The following FCHO2 variants were observed in gnomAD, a reference collection of about 807,000 sequenced individuals.
The protein encoded by FCHO2 is F-BAR domain only protein 2.
FCHO2 carries 43 observed loss-of-function variants against 114.1 expected under a neutral mutation model. The ratio of observed to expected loss-of-function variants is 0.38; its 90% confidence interval spans 0.30 to 0.49. FCHO2 has a LOEUF of 0.49. FCHO2 is among the 20% of genes least tolerant of loss of function. The pLI, the probability that FCHO2 is intolerant of heterozygous loss-of-function variation, is 0.97. For missense variants in FCHO2, 807 were observed against 950.4 expected (o/e 0.85, Z 1.98); for synonymous variants, 293 against 315.2 (o/e 0.93, Z 0.75).
intron 8 of FCHO2, among the ~76,000 whole-genome samples, chr5:73,019,958 T>G (rs1390695818): frequency 1.3e-5 from 2 of 152,126 alleles, no homozygotes; most frequent in Non-Finnish European, 2.9e-5. Context: ...TCCACACCTC[T>G]CACCAAGGCC....
chr5:73,069,421 T>C (rs1394420221), intron 19 of FCHO2, among the ~76,000 whole-genome samples: 1 of 151,622 alleles, frequency 6.6e-6, no homozygotes. Context: ...AGCCCTGAGC[T>C]TTTTGTCTTG....
chr5:72,986,061 A>G (rs1580051632), intron 2 of FCHO2, among the ~76,000 whole-genome samples: 1 of 151,632 alleles, frequency 6.6e-6, no homozygotes, highest in South Asian at 2.1e-4. Flanking sequence ...TCAATGTTGG[A>G]TAAATTATTC....
intron 10 of FCHO2, among the ~76,000 whole-genome samples, chr5:73,040,730 A>G (rs986234794): frequency 6.6e-6 from 1 of 152,212 alleles, no homozygotes; most frequent in Non-Finnish European, 1.5e-5. Context: ...GTATATTTGG[A>G]AAAAACTAGC....
chr5:73,028,798 G>T (rs1398814755), intron 8 of FCHO2, among the ~76,000 whole-genome samples: 2 of 151,694 alleles, frequency 1.3e-5, no homozygotes, highest in Non-Finnish European at 2.9e-5. Flanking sequence ...CTACAGGCAC[G>T]CACCACTATG....
chr5:72,997,416 T>C (rs532254953), intron 5 of FCHO2: 1 of 1,600,594 alleles, frequency 6.2e-7, no homozygotes, highest in African/African-American at 1.3e-5. Flanking sequence ...GGCAGCTACA[T>C]CAAGGACCTC....
At chr5:72,999,111 G>A (rs550894062) in intron 5 of FCHO2, among the ~76,000 whole-genome samples, 1 of 152,110 alleles carries the variant, frequency 6.6e-6, no homozygotes, top group South Asian at 2.1e-4. Context: ...TCAGTGGGAT[G>A]GACTACTCAG....
At chr5:73,002,578 A>G (rs1349780303) in intron 5 of FCHO2, among the ~76,000 whole-genome samples, 1 of 152,220 alleles carries the variant, frequency 6.6e-6, no homozygotes, top group Non-Finnish European at 1.5e-5. Context: ...TAATAAAATT[A>G]GTTTGAGTTT....
At chr5:72,997,419 A>G (rs1216806169) in intron 5 of FCHO2, 16 of 1,600,810 alleles carry the variant, frequency 1.0e-5, no homozygotes, top group Non-Finnish European at 1.3e-5. Flanking sequence ...AGCTACATCA[A>G]GGACCTCTCT....
intron 5 of FCHO2, among the ~76,000 whole-genome samples, chr5:73,004,685 A>C (rs945287919): frequency 2.0e-5 from 3 of 152,130 alleles, no homozygotes; most frequent in African/African-American, 7.2e-5. Context: ...GAACTGTATA[A>C]ATTTCTAAGA....
chr5:73,027,488 A>G (rs1353905965), intron 8 of FCHO2, among the ~76,000 whole-genome samples: 1 of 151,918 alleles, frequency 6.6e-6, no homozygotes, highest in Admixed American at 6.6e-5. Flanking sequence ...ACGTTTGTCT[A>G]ATCCAAGGTC....
chr5:73,048,261 C>A (rs1017005106), intron 11 of FCHO2, among the ~76,000 whole-genome samples: 2 of 151,812 alleles, frequency 1.3e-5, no homozygotes, highest in African/African-American at 4.8e-5. Flanking sequence ...ACCAGCCTGG[C>A]CAATATAGGG....
At chr5:73,075,507 G>A (rs1386164823) in intron 20 of FCHO2, among the ~76,000 whole-genome samples, 1 of 152,144 alleles carries the variant, frequency 6.6e-6, no homozygotes, top group Non-Finnish European at 1.5e-5. Context: ...GACCAGGTTA[G>A]GCATTGTAGG....
chr5:73,086,340 A>G (rs1169233371), intron 24 of FCHO2, among the ~76,000 whole-genome samples: 1 of 152,196 alleles, frequency 6.6e-6, no homozygotes, highest in Non-Finnish European at 1.5e-5. Flanking sequence ...GTTCATCTCC[A>G]CTACTGATCT....
chr5:72,991,987 CAT>C (rs1753837692), intron 5 of FCHO2, among the ~76,000 whole-genome samples: 1 of 152,086 alleles, frequency 6.6e-6, no homozygotes, highest in Non-Finnish European at 1.5e-5. Context: ...AAATTAATAT[CAT>C]ATAATTAAAT....
intron 17 of FCHO2, among the ~76,000 whole-genome samples, chr5:73,062,307 A>G (rs1757890795): frequency 1.3e-5 from 2 of 152,130 alleles, no homozygotes; most frequent in African/African-American, 4.8e-5. Context: ...CTCGAAAAGC[A>G]AATTTTGAAC....
At chr5:72,966,858 A>G (rs1156894258) in intron 1 of FCHO2, among the ~76,000 whole-genome samples, 2 of 152,274 alleles carry the variant, frequency 1.3e-5, no homozygotes, top group Non-Finnish European at 2.9e-5. Flanking sequence ...AACCTAGTGT[A>G]TCAGCTGTCT....
chr5:73,040,123 T>A (rs1268020163), intron 10 of FCHO2, among the ~76,000 whole-genome samples: 1 of 152,194 alleles, frequency 6.6e-6, no homozygotes, highest in African/African-American at 2.4e-5. Context: ...TTCTGGTGTT[T>A]GCTTAGTATT....
intron 2 of FCHO2, among the ~76,000 whole-genome samples, chr5:72,979,000 A>G (rs58150519): frequency 0.042 from 6,418 of 152,148 alleles, 438 homozygotes; most frequent in African/African-American, 0.14. Context: ...GTGTTGCTGG[A>G]TTCGGTTTGC....
At chr5:73,014,581 C>T (rs1319827005) in intron 6 of FCHO2, among the ~76,000 whole-genome samples, 1 of 152,026 alleles carries the variant, frequency 6.6e-6, no homozygotes, top group African/African-American at 2.4e-5. Context: ...AGCCACCGTG[C>T]CCGGTGTATA....
Sources: gnomAD v4.1 joint callset for allele counts (sites outside exome capture counted in the v4.1 genomes callset) on GRCh38, gnomAD v4.1.1 for gene constraint, MANE v1.5 for transcripts, NCBI Gene and HGNC (gene_info 2026-07-23, HGNC 2026-07-21) for gene names.